KCNN2: variants seen among roughly 807,000 people sequenced by gnomAD.
The protein encoded by KCNN2 is small conductance calcium-activated potassium channel protein 2.
KCNN2 carries 24 observed loss-of-function variants against 55.5 expected under a neutral mutation model. The observed-to-expected ratio is 0.43, with a 90% CI of 0.31 to 0.61. KCNN2 has a LOEUF of 0.61. KCNN2 is among the 20% of genes least tolerant of loss of function. The pLI is 0.08. For missense variants in KCNN2, 754 were observed against 853.6 expected (o/e 0.88, Z 1.45); for synonymous variants, 431 against 336.1 (o/e 1.28, Z -3.09).
At chr5:114,060,662 C>T (rs1750307256) in intron 1 of KCNN2, among the ~76,000 whole-genome samples, 1 of 152,156 alleles carries the variant, frequency 6.6e-6, no homozygotes, top group Non-Finnish European at 1.5e-5. Flanking sequence ...CCATATGTGG[C>T]TTGGTTAGGT....
rs1016842982 is a variant in KCNN2 at position 114,407,073 on chromosome 5, T to C, written c.1637+2217T>C. ...TTCTGGAGGCTTCTAGTATTGGTAT[T>C]CTAAAATTACACAAGGATGTAATTT... On this transcript the variant is annotated intron_variant, in intron 3 of 7. Coordinates refer to ENST00000673685, the MANE Select transcript of KCNN2 (RefSeq NM_021614.4). Among the ~76,000 whole-genome samples, 3 of 152,124 alleles carry C rather than the reference T, an allele frequency of 2.0e-5. No individual in the cohort carries two copies. In the East Asian group the frequency reaches 5.8e-4, roughly 29 times the overall value.
chr5:114,131,520 A>G (rs895173203), intron 1 of KCNN2, among the ~76,000 whole-genome samples: 2 of 152,086 alleles, frequency 1.3e-5, no homozygotes, highest in Non-Finnish European at 2.9e-5. Context: ...TTATTTATCC[A>G]GTGTCTGTCA....
At chr5:114,383,110 T>A (rs1260091856) in intron 2 of KCNN2, among the ~76,000 whole-genome samples, 3 of 152,192 alleles carry the variant, frequency 2.0e-5, no homozygotes, top group Non-Finnish European at 4.4e-5. Flanking sequence ...TAAGCTATGA[T>A]AACTTAACCA....
chr5:114,079,076 A>G (rs1252225091), intron 1 of KCNN2, among the ~76,000 whole-genome samples: 2 of 152,166 alleles, frequency 1.3e-5, no homozygotes, highest in Admixed American at 6.5e-5. Context: ...TGAGCCTCAA[A>G]TATACCCTAA....
At chr5:114,116,902 T>A (rs1418513020) in intron 1 of KCNN2, among the ~76,000 whole-genome samples, 1 of 152,116 alleles carries the variant, frequency 6.6e-6, no homozygotes, top group Non-Finnish European at 1.5e-5. Flanking sequence ...TTTCTGTTCA[T>A]CATAATATTG....
intron 2 of KCNN2, among the ~76,000 whole-genome samples, chr5:114,351,186 T>C (rs949330709): frequency 6.6e-6 from 1 of 151,870 alleles, no homozygotes; most frequent in Non-Finnish European, 1.5e-5. Flanking sequence ...ACATTTCTAA[T>C]TATTGTATTC....
intron 3 of KCNN2, among the ~76,000 whole-genome samples, chr5:114,439,305 T>G (rs1416157536): frequency 6.6e-6 from 1 of 152,160 alleles, no homozygotes; most frequent in Admixed American, 6.5e-5. Flanking sequence ...TTTAGGTTCT[T>G]TTTTTAAAGA....
intron 3 of KCNN2, among the ~76,000 whole-genome samples, chr5:114,444,306 CAGG>C (rs1760322402): frequency 1.3e-5 from 2 of 151,950 alleles, no homozygotes; most frequent in South Asian, 4.1e-4. Context: ...AACCCCTTCT[CAGG>C]AGGAGGAGGG....
Position 114,098,863 on chromosome 5 carries a change from G to A in KCNN2, c.-271+42363G>A, listed in dbSNP as rs972936317. 7.0e-4 allele frequency among the ~76,000 whole-genome samples: 106 copies of A among 152,178 alleles called. 1 individual carries two copies. Among genetic ancestry groups the A allele is most frequent in the Non-Finnish European group, 2.1e-4 (14 of 68,012 alleles). ...TTGGTTACATACATAGTTTCCACAG[G>A]GGTGAATCTAGGGCTTTGGCTCCAG... On this transcript the variant is annotated intron_variant, in intron 1 of 10. Coordinates refer to the KCNN2 transcript ENST00000512097.
chr5:114,158,260 A>T (rs1050274769), intron 1 of KCNN2, among the ~76,000 whole-genome samples: 2 of 152,216 alleles, frequency 1.3e-5, no homozygotes, highest in Non-Finnish European at 2.9e-5. Flanking sequence ...TTAAGTAGGG[A>T]ATCCTTCCCC....
intron 1 of KCNN2, among the ~76,000 whole-genome samples, chr5:114,084,434 T>C (rs1048036177): frequency 1.3e-5 from 2 of 152,108 alleles, no homozygotes; most frequent in African/African-American, 2.4e-5. Context: ...TGTTGAGCTT[T>C]CTTTCAAGTG....
At chr5:114,322,725 A>G (rs6866061) in intron 2 of KCNN2, among the ~76,000 whole-genome samples, 170 of 152,296 alleles carry the variant, frequency 1.1e-3, no homozygotes, top group Middle Eastern at 3.4e-3. Context: ...GATCTTGTAC[A>G]GTCTCTCCCT....
intron 2 of KCNN2, among the ~76,000 whole-genome samples, chr5:114,302,986 T>C (rs67027308): frequency 0.17 from 25,791 of 152,168 alleles, 3,682 homozygotes; most frequent in East Asian, 0.82. Context: ...TGCAGGCAGA[T>C]AGAACAATCT....
chr5:114,220,052 C>T (rs1271475032), intron 1 of KCNN2, among the ~76,000 whole-genome samples: 1 of 151,902 alleles, frequency 6.6e-6, no homozygotes, highest in Non-Finnish European at 1.5e-5. Context: ...AAGAAAAAAA[C>T]AGGTAGCAGG....
chr5:114,448,255 T>C (rs1236770316), intron 3 of KCNN2, among the ~76,000 whole-genome samples: 1 of 152,210 alleles, frequency 6.6e-6, no homozygotes, highest in Non-Finnish European at 1.5e-5. Context: ...AAAAATATTT[T>C]TCCGGCTTTA....
chr5:114,471,528 AATATAG>A (rs1169784721), intron 4 of KCNN2, among the ~76,000 whole-genome samples: 1 of 152,174 alleles, frequency 6.6e-6, no homozygotes. Flanking sequence ...TGTGATCCTA[AATATAG>A]ATATAGATAT....
chr5:114,123,856 T>C (rs1173195145), intron 1 of KCNN2, among the ~76,000 whole-genome samples: 1 of 152,230 alleles, frequency 6.6e-6, no homozygotes, highest in African/African-American at 2.4e-5. Flanking sequence ...GGGGACTCCC[T>C]GTGCAGCCAC....
At chr5:114,358,789 A>G (rs1267929988), upstream of KCNN2, among the ~76,000 whole-genome samples, 1 of 152,198 alleles carries the variant, frequency 6.6e-6, no homozygotes, top group African/African-American at 2.4e-5. Context: ...TTAACTTTAC[A>G]TGTTACATGT....
At chr5:114,283,334 A>G (rs1444435301) in intron 2 of KCNN2, among the ~76,000 whole-genome samples, 5 of 151,984 alleles carry the variant, frequency 3.3e-5, no homozygotes. Context: ...CCATCTATTG[A>G]GTGTTAAATT....
Sources: gnomAD v4.1 joint callset for allele counts (sites outside exome capture counted in the v4.1 genomes callset) on GRCh38, gnomAD v4.1.1 for gene constraint, MANE v1.5 for transcripts, NCBI Gene and HGNC (gene_info 2026-07-23, HGNC 2026-07-21) for gene names.